The following FIBIN variants were observed in gnomAD, a reference collection of about 807,000 sequenced individuals.
FIBIN encodes the protein fin bud initiation factor homolog.
A neutral mutation model predicts 13.0 loss-of-function variants in FIBIN; 8 were observed. The observed-to-expected ratio is 0.62, with a 90% confidence interval of 0.36 to 1.11. FIBIN has a LOEUF of 1.11. Ranked by LOEUF, FIBIN falls within the 50% of genes most tolerant of loss-of-function variation. The pLI, the probability that FIBIN is intolerant of heterozygous loss-of-function variation, is 0.02. For synonymous variants in FIBIN, 127 were observed against 114.7 expected, an observed-to-expected ratio of 1.11 and a Z score of -0.69; for missense variants, 261 against 260.2, an observed-to-expected ratio of 1.00 and a Z score of -0.02.
Position 26,996,766 on chromosome 11 carries a change from G to A in FIBIN, c.*1604G>A, listed in dbSNP as rs1035609647. Among the ~76,000 whole-genome samples the A allele has an allele frequency of 1.3e-5, 2 of 152,114 alleles. No individual in the cohort carries two copies. Among genetic ancestry groups the A allele is most frequent in the African/African-American group, 4.8e-5 (2 of 41,436 alleles). ...TTACAGAAGGGGAAACTGAGGCTGG[G>A]AAAGGCTAAATGACTTATCCTCCAT... On this transcript the variant is annotated 3_prime_UTR_variant, in exon 1 of 1. Transcript: ENST00000318627.
chr11:26,994,482 TAA>T lies in FIBIN; in HGVS notation c.-41_-40del, dbSNP rs1564936607. On this transcript the variant is annotated 5_prime_UTR_variant, in exon 1 of 1. Coordinates refer to ENST00000318627, the MANE Select transcript of FIBIN (RefSeq NM_203371.2). Reference sequence around the variant, plus strand: ...AGACACTCCCTTCCTTGTGCCTGGGTAAAAAGTCTCCTCCTGGGGTCCCTGGC... The same window carrying T: ...AGACACTCCCTTCCTTGTGCCTGGGTAAAGTCTCCTCCTGGGGTCCCTGGC... The T allele has an allele frequency of 6.5e-7, 1 of 1,535,076 alleles. No homozygotes were observed. Among genetic ancestry groups the T allele is most frequent in the East Asian group, 2.3e-5 (1 of 43,928 alleles).
rs1323263193 is a variant in FIBIN, at chr11:26,994,753, T to A, written c.227T>A (p.Leu76Gln). 6.2e-7 allele frequency: 1 copy of A among 1,613,382 alleles called. No homozygotes were observed. Among genetic ancestry groups the A allele is most frequent in the Admixed American group, 1.7e-5 (1 of 59,952 alleles). The change falls in exon 1 of 1, where the codon CTG becomes CAG. Residue 76 changes from leucine (L) to glutamine (Q), a missense_variant. By Grantham distance (113) the Leu-to-Gln change is moderately radical. Transcript: ENST00000318627. Reference sequence around the variant, plus strand: ...GAGGGGAGCCAGGTTGGCAGCCTGCTGAGCCTCACCCTGCGGGAGGAGTTC... The same window carrying A: ...GAGGGGAGCCAGGTTGGCAGCCTGCAGAGCCTCACCCTGCGGGAGGAGTTC... Reference protein sequence around the residue: ...QGEGSQVGSLLSLTLREEFTV... With the variant: ...QGEGSQVGSLQSLTLREEFTV...
Position 26,995,906 on chromosome 11 carries a change from A to G in FIBIN, c.*744A>G, listed in dbSNP as rs957853948. The G allele has an allele frequency of 1.2e-5, 2 of 166,964 alleles. No homozygotes were observed. The highest frequency in any genetic ancestry group is 1.3e-4 in the Admixed American group (2 of 15,278). 10.3% of individuals were successfully genotyped at this position (166,964 alleles called of 1,614,324 possible). A position where few individuals can be genotyped will look rare whatever the true frequency, so the allele number is the denominator to read the frequency against. The stretch of plus-strand genomic sequence containing the variant: ...TCTCATTGTATGTCTATGCTTTGTC[A>G]TCAGTGCTATAGTAAATTACAAAGA... On this transcript the variant is annotated 3_prime_UTR_variant, in exon 1 of 1. Coordinates refer to ENST00000318627, the MANE Select transcript of FIBIN (RefSeq NM_203371.2).
chr11:26,994,857 G>A lies in FIBIN; in HGVS notation c.331G>A (p.Gly111Arg), dbSNP rs140574615. 3.6e-5 allele frequency: 57 copies of A among 1,597,062 alleles called. No individual in the cohort carries two copies. The African/African-American group carries it at 6.8e-4, about 19-fold the overall frequency. Reference protein sequence around the residue: ...ISKSISYDLDGEESYGKYLRR... With the variant: ...ISKSISYDLDREESYGKYLRR... ...CAAAAGCATCTCCTACGACCTAGAC[G>A]GGGAAGAGAGCTATGGCAAGTACCT... Residue 111 changes from glycine (G) to arginine (R), a missense_variant, in exon 1 of 1, where the codon GGG (glycine) becomes AGG (arginine). Transcript: ENST00000318627.
chr11:26,994,764 C>T lies in FIBIN; in HGVS notation c.238C>T (p.Leu80=). ...GGTTGGCAGCCTGCTGAGCCTCACC[C>T]TGCGGGAGGAGTTCACCGTGCTGGG... ...SQVGSLLSLT[L]REEFTVLGRQ... Residue 80 remains leucine, a synonymous_variant, in exon 1 of 1, where the codon CTG becomes TTG. Coordinates refer to ENST00000318627, the MANE Select transcript of FIBIN (RefSeq NM_203371.2). 1 of 1,612,922 alleles carries T rather than the reference C, an allele frequency of 6.2e-7. No individual in the cohort carries two copies. Among genetic ancestry groups the T allele is most frequent in the Non-Finnish European group, 8.5e-7 (1 of 1,179,422 alleles).
chr11:26,996,783 A>C lies in FIBIN; in HGVS notation c.*1621A>C, dbSNP rs1850933956. Among the ~76,000 whole-genome samples, 1 of 152,186 alleles carries C rather than the reference A, an allele frequency of 6.6e-6. No individual in the cohort carries two copies. The highest frequency in any genetic ancestry group is 1.5e-5 in the Non-Finnish European group (1 of 68,024). ...GAGGCTGGGAAAGGCTAAATGACTT[A>C]TCCTCCATCAGTTATAACAGCCCCT... On this transcript the variant is annotated 3_prime_UTR_variant, in exon 1 of 1. Coordinates refer to ENST00000318627, the MANE Select transcript of FIBIN (RefSeq NM_203371.2).
At position 26,994,311 on chromosome 11, in the gene FIBIN, G is replaced by T; in HGVS notation, c.-216G>T. On this transcript the variant is annotated 5_prime_UTR_variant, in exon 1 of 1. Coordinates refer to ENST00000318627, the MANE Select transcript of FIBIN (RefSeq NM_203371.2). ...CAGTCACCGAGCGAGGGGCGCAAGG[G>T]TGGGTGCATCCTGCGCTGCGGCGGG... 2.0e-6 allele frequency: 1 copy of T among 502,552 alleles called. No individual in the cohort carries two copies. Among genetic ancestry groups the T allele is most frequent in the Non-Finnish European group, 3.5e-6 (1 of 286,148 alleles). 31.1% of individuals were successfully genotyped at this position (502,552 alleles called of 1,614,324 possible).
In FIBIN at chr11:26,994,674, G is replaced by A; in HGVS notation, c.148G>A (p.Glu50Lys). Residue 50 changes from glutamate (E) to lysine (K), a missense_variant, in exon 1 of 1, where the codon GAG (glutamate) becomes AAG (lysine). By Grantham distance (56) the Glu-to-Lys change is moderately conservative. Coordinates refer to ENST00000318627, the MANE Select transcript of FIBIN (RefSeq NM_203371.2). ...DGDYEENDDP[E>K]KCQLLFRVSD... Reference sequence around the variant, plus strand: ...GGACTATGAGGAGAACGATGACCCCGAGAAGTGCCAGCTGCTCTTCAGGGT... The same window carrying A: ...GGACTATGAGGAGAACGATGACCCCAAGAAGTGCCAGCTGCTCTTCAGGGT... 1.9e-6 allele frequency: 3 copies of A among 1,613,834 alleles called. No homozygotes were observed. The highest frequency in any genetic ancestry group is 2.5e-6 in the Non-Finnish European group (3 of 1,179,990).
Position 26,994,848 on chromosome 11 carries a change from G to A in FIBIN, c.322G>A (p.Asp108Asn), listed in dbSNP as rs1299265949. ...LEGISKSISY[D>N]LDGEESYGKY... is the part of the protein sequence containing the mutation. ...GGGCATCAGCAAAAGCATCTCCTAC[G>A]ACCTAGACGGGGAAGAGAGCTATGG... Residue 108 changes from aspartate (D) to asparagine (N), a missense_variant, in exon 1 of 1, where the codon GAC becomes AAC. Coordinates refer to ENST00000318627, the MANE Select transcript of FIBIN (RefSeq NM_203371.2). The A allele has an allele frequency of 1.3e-6, 2 of 1,596,476 alleles. No homozygotes were observed. The highest frequency in any genetic ancestry group is 1.7e-6 in the Non-Finnish European group (2 of 1,170,238).
At position 26,996,554 on chromosome 11, in the gene FIBIN, C is replaced by T. The variant is rs1850930203; in HGVS notation, c.*1392C>T. Among the ~76,000 whole-genome samples the T allele has an allele frequency of 6.6e-6, 1 of 152,060 alleles. No individual in the cohort carries two copies. Among genetic ancestry groups the T allele is most frequent in the Non-Finnish European group, 1.5e-5 (1 of 68,004 alleles). On this transcript the variant is annotated 3_prime_UTR_variant, in exon 1 of 1. Coordinates refer to ENST00000318627, the MANE Select transcript of FIBIN (RefSeq NM_203371.2). ...GAGATGCACTTTATTTAATGTCTTTCCCTAGCTAATTCTTACTCTCACCTT... is the reference window on the plus strand; with the variant it reads ...GAGATGCACTTTATTTAATGTCTTTTCCTAGCTAATTCTTACTCTCACCTT...
Position 26,994,307 on chromosome 11 carries a change from A to T in FIBIN, c.-220A>T. 2.1e-6 allele frequency: 1 copy of T among 484,760 alleles called. No individual in the cohort carries two copies. Among genetic ancestry groups the T allele is most frequent in the Admixed American group, 3.7e-5 (1 of 26,694 alleles). 30.0% of individuals were successfully genotyped at this position (484,760 alleles called of 1,614,324 possible). A position where few individuals can be genotyped will look rare whatever the true frequency, so the allele number is the denominator to read the frequency against. On this transcript the variant is annotated 5_prime_UTR_variant, in exon 1 of 1. Coordinates refer to ENST00000318627, the MANE Select transcript of FIBIN (RefSeq NM_203371.2). The stretch of plus-strand genomic sequence containing the variant: ...GTTCCAGTCACCGAGCGAGGGGCGC[A>T]AGGGTGGGTGCATCCTGCGCTGCGG...
chr11:26,994,781 C>G lies in FIBIN; in HGVS notation c.255C>G (p.Thr85=), dbSNP rs1283458026. ...GCCTCACCCTGCGGGAGGAGTTCAC[C>G]GTGCTGGGCCGCCAGGTGGAGGATG... is the stretch of plus-strand genomic sequence containing the variant. ...LLSLTLREEF[T]VLGRQVEDAG... Residue 85 remains threonine (T), a synonymous_variant, in exon 1 of 1, where the codon ACC becomes ACG. Transcript: ENST00000318627. 1.2e-6 allele frequency: 2 copies of G among 1,610,320 alleles called. No homozygotes were observed. Among genetic ancestry groups the G allele is most frequent in the African/African-American group, 1.3e-5 (1 of 74,938 alleles).
Position 26,995,149 on chromosome 11 carries a change from A to G in FIBIN, c.623A>G (p.Tyr208Cys), listed in dbSNP as rs762892337. Residue 208 changes from tyrosine (Y) to cysteine (C), a missense_variant, in exon 1 of 1, where the codon TAT becomes TGT. Coordinates refer to ENST00000318627, the MANE Select transcript of FIBIN (RefSeq NM_203371.2). ...GTRLGRLKND[Y>C]LKV ...CGACTAGGTCGGCTGAAAAATGATT[A>G]TCTTAAAGTATAGGTGGAAGGATAC... 6.3e-7 allele frequency: 1 copy of G among 1,599,456 alleles called. No individual in the cohort carries two copies. The highest frequency in any genetic ancestry group is 1.1e-5 in the South Asian group (1 of 88,630).
chr11:26,994,185 C>T lies in FIBIN; in HGVS notation c.-342C>T. The T allele has an allele frequency of 3.8e-6, 1 of 260,484 alleles. No individual in the cohort carries two copies. The highest frequency in any genetic ancestry group is 5.2e-5 in the Admixed American group (1 of 19,188). 16.1% of individuals were successfully genotyped at this position (260,484 alleles called of 1,614,324 possible). On this transcript the variant is annotated 5_prime_UTR_variant, in exon 1 of 1. Coordinates refer to ENST00000318627, the MANE Select transcript of FIBIN (RefSeq NM_203371.2). ...TTCTCTCCAGCTACACACTCCATCT[C>T]CCGGGAGCAAGGGGAAACTCCGAGA...
chr11:26,996,705 G>A lies in FIBIN; in HGVS notation c.*1543G>A, dbSNP rs1048727337. ...TCCTCTCCCTTGAATAAGAAAATAA[G>A]TTTTCCATTCCTATGAACTGTCTAA... On this transcript the variant is annotated 3_prime_UTR_variant, in exon 1 of 1. Coordinates refer to ENST00000318627, the MANE Select transcript of FIBIN (RefSeq NM_203371.2). Among the ~76,000 whole-genome samples the A allele has an allele frequency of 2.0e-5, 3 of 152,074 alleles. No homozygotes were observed. Among genetic ancestry groups the A allele is most frequent in the Non-Finnish European group, 2.9e-5 (2 of 68,004 alleles).
At position 26,995,498 on chromosome 11, in the gene FIBIN, G is replaced by A. The variant is rs573121325; in HGVS notation, c.*336G>A. On this transcript the variant is annotated 3_prime_UTR_variant, in exon 1 of 1. Transcript: ENST00000318627. ...TAAAAGAGCACAGTTTATGTGGTGC[G>A]GAATTAAACTTCCCCATCCTGCAGA... 11 of 212,350 alleles carry A rather than the reference G, an allele frequency of 5.2e-5. No homozygotes were observed. Among genetic ancestry groups the A allele is most frequent in the South Asian group, 1.5e-4 (1 of 6,838 alleles). 13.2% of individuals were successfully genotyped at this position (212,350 alleles called of 1,614,324 possible).
chr11:26,994,983 CGGCA>C lies in FIBIN; in HGVS notation c.460_463del (p.Gln154ArgfsTer19), dbSNP rs1850909902. On this transcript the variant is annotated frameshift_variant, in exon 1 of 1. Transcript: ENST00000318627. LOFTEE classifies it high-confidence loss of function. ...CAAGCAGGGCCAGGAACAGGACAGC[CGGCA>C]GGAGAGCAGGCTCAACGAGGACTTT... The C allele has an allele frequency of 6.2e-7, 1 of 1,613,800 alleles. No homozygotes were observed. Among genetic ancestry groups the C allele is most frequent in the Non-Finnish European group, 8.5e-7 (1 of 1,179,966 alleles).
Position 26,995,190 on chromosome 11 carries a change from G to T in FIBIN, c.*28G>T. On this transcript the variant is annotated 3_prime_UTR_variant, in exon 1 of 1. Transcript: ENST00000318627. ...GGAAGGATACAAATGCTAGAAAGAG[G>T]GAATCAAATCAGCCCCGTTTTGGAG... The T allele has an allele frequency of 6.4e-7, 1 of 1,553,826 alleles. No individual in the cohort carries two copies. Among genetic ancestry groups the T allele is most frequent in the South Asian group, 1.2e-5 (1 of 80,356 alleles).
At position 26,995,263 on chromosome 11, in the gene FIBIN, T is replaced by A; in HGVS notation, c.*101T>A. 1 of 1,203,874 alleles carries A rather than the reference T, an allele frequency of 8.3e-7. No individual in the cohort carries two copies. The highest frequency in any genetic ancestry group is 1.1e-6 in the Non-Finnish European group (1 of 869,630). 74.6% of individuals were successfully genotyped at this position (1,203,874 alleles called of 1,614,324 possible). A position where few individuals can be genotyped will look rare whatever the true frequency, so the allele number is the denominator to read the frequency against. ...TACATTTCCCCCATACCTACTATTT[T>A]TTTATATCCCGATTTGCACTTTGAG... On this transcript the variant is annotated 3_prime_UTR_variant, in exon 1 of 1. Transcript: ENST00000318627.
Sources: gnomAD v4.1 joint callset for allele counts (sites outside exome capture counted in the v4.1 genomes callset) on GRCh38, gnomAD v4.1.1 for gene constraint, MANE v1.5 for transcripts, NCBI Gene and HGNC (gene_info 2026-07-23, HGNC 2026-07-21) for gene names.